CEACAM19: variants seen among roughly 807,000 people sequenced by gnomAD.
CEACAM19 encodes the protein CEA cell adhesion molecule 19.
In CEACAM19, 37 loss-of-function variants were observed where a neutral mutation model predicts 37.6. The ratio of observed to expected loss-of-function variants is 0.98; its 90% CI spans 0.76 to 1.29. The LOEUF is 1.29. Ranked by LOEUF, CEACAM19 falls within the 50% of genes most tolerant of loss-of-function variation. The pLI, the probability that CEACAM19 is intolerant of heterozygous loss-of-function variation, is 0.00. For synonymous variants in CEACAM19, 140 were observed against 149.8 expected (o/e 0.93, Z 0.48); for missense variants, 340 against 375.6 (o/e 0.91, Z 0.78).
upstream of CEACAM19, among the ~76,000 whole-genome samples, chr19:44,668,500 A>AT (rs1366724724): frequency 4.6e-4 from 26 of 57,014 alleles, no homozygotes; most frequent in African/African-American, 1.7e-3. Context: ...TATATTATAT[A>AT]TATTATATAT....
upstream of CEACAM19, among the ~76,000 whole-genome samples, chr19:44,668,405 T>A (rs371987783): frequency 2.5e-4 from 9 of 35,618 alleles, no homozygotes; most frequent in Non-Finnish European, 2.9e-4. Flanking sequence ...TATAATATGT[T>A]TATATATTAT....
Position 44,682,584 on chromosome 19 carries a change from A to G in CEACAM19, c.810A>G (p.Pro270=). The G allele has an allele frequency of 1.2e-6, 2 of 1,603,964 alleles. No individual in the cohort carries two copies. The highest frequency in any genetic ancestry group is 1.7e-6 in the Non-Finnish European group (2 of 1,175,486). The change falls in exon 7 of 8, where the codon CCA becomes CCG. Residue 270 remains proline (P), a synonymous_variant. Coordinates refer to ENST00000358777, the MANE Select transcript of CEACAM19 (RefSeq NM_001127893.3). The stretch of plus-strand genomic sequence containing the variant: ...CCTTGCAGCCCCTGCCCACACCCCC[A>G]CACCTGCAGGCGGAGCCAGAGAACC... The part of the protein sequence containing the change: ...INPARPLPTP[P]HLQAEPENHQ...
chr19:44,682,706 T>A, intron 7 of CEACAM19, 86 bp downstream of exon 7: 1 of 1,276,914 alleles, frequency 7.8e-7, no homozygotes, highest in Non-Finnish European at 1.1e-6. Flanking sequence ...TCAAGACAAC[T>A]GAAACTGGGG....
chr19:44,681,668 G>A (rs146719116), intron 6 of CEACAM19, among the ~76,000 whole-genome samples: 5 of 152,270 alleles, frequency 3.3e-5, no homozygotes, highest in East Asian at 3.9e-4. Context: ...GGTGGCTCAC[G>A]CCTATAATTC....
At chr19:44,666,344 GAGAC>G (rs1427004011) in intron 1 of CEACAM19, among the ~76,000 whole-genome samples, 2 of 152,124 alleles carry the variant, frequency 1.3e-5, no homozygotes, top group African/African-American at 4.8e-5. Context: ...TTCTCTCCCG[GAGAC>G]AGACCAAGGA....
In CEACAM19 at chr19:44,684,177, C is replaced by G. The variant is rs1974116325; in HGVS notation, c.*687C>G. On this transcript the variant is annotated 3_prime_UTR_variant, in exon 8 of 8. Coordinates refer to ENST00000358777, the MANE Select transcript of CEACAM19 (RefSeq NM_001127893.3). ...CCCCAGCACCCGTCCCAAATGTGGCCTCAGCTTGTCCTCCCCTTCCCCAAA... is the reference window on the plus strand; with the variant it reads ...CCCCAGCACCCGTCCCAAATGTGGCGTCAGCTTGTCCTCCCCTTCCCCAAA... The G allele has an allele frequency of 6.6e-6, 1 of 152,382 alleles. No homozygotes were observed. The highest frequency in any genetic ancestry group is 1.5e-5 in the Non-Finnish European group (1 of 68,180). The allele number at this position is 152,382 out of a possible 1,614,324, so 9.4% of individuals were successfully genotyped here.
Position 44,671,650 on chromosome 19 carries a change from GA to G in CEACAM19, c.-277del. On this transcript the variant is annotated 5_prime_UTR_variant, in exon 1 of 8. It introduces an in-frame stop codon into an upstream open reading frame of the 5' UTR. Transcript: ENST00000358777. Reference sequence around the variant, plus strand: ...CTGCTGTTGTAGTCACGCTGAGTGAGAAAAAGAGGTTGAAGAGGGTCAGGGG... The same window carrying G: ...CTGCTGTTGTAGTCACGCTGAGTGAGAAAAGAGGTTGAAGAGGGTCAGGGG... 1 of 470,644 alleles carries G rather than the reference GA, an allele frequency of 2.1e-6. No individual in the cohort carries two copies. Among genetic ancestry groups the G allele is most frequent in the Non-Finnish European group, 3.8e-6 (1 of 264,806 alleles). The allele number at this position is 470,644 out of a possible 1,614,324, so 29.2% of individuals were successfully genotyped here.
upstream of CEACAM19, among the ~76,000 whole-genome samples, chr19:44,667,627 TA>T (rs1281214718): frequency 8.5e-5 from 7 of 82,212 alleles, no homozygotes; most frequent in Middle Eastern, 5.2e-3. Context: ...TATTTATAAA[TA>T]TATAAATATA....
At position 44,677,266 on chromosome 19, in the gene CEACAM19, T is replaced by G. The variant is rs190849199; in HGVS notation, c.575+845T>G. Among the ~76,000 whole-genome samples, 428 of 152,316 alleles carry G rather than the reference T, an allele frequency of 2.8e-3. 7 individuals are homozygous for G. The highest frequency in any genetic ancestry group is 2.4e-4 in the Non-Finnish European group (16 of 68,024). ...AGGGAAAGCTCTGATTGGCCAAAGT[T>G]GGGCTATTTGTGCAGCCCCAGAGAC... On this transcript the variant is annotated intron_variant, in intron 3 of 7. Coordinates refer to ENST00000358777, the MANE Select transcript of CEACAM19 (RefSeq NM_001127893.3).
At position 44,679,060 on chromosome 19, in the gene CEACAM19, GT is replaced by G. The variant is rs1974006776; in HGVS notation, c.659+125del. The G allele has an allele frequency of 1.4e-5, 20 of 1,380,342 alleles. No individual in the cohort carries two copies. The South Asian group carries it at 2.7e-4, about 19-fold the overall frequency. 85.5% of individuals were successfully genotyped at this position (1,380,342 alleles called of 1,614,324 possible). On this transcript the variant is annotated intron_variant, in intron 4 of 7. Coordinates refer to ENST00000358777, the MANE Select transcript of CEACAM19 (RefSeq NM_001127893.3). Reference sequence around the variant, plus strand: ...AAGGTTGGGGTGCAGTGGTGCGATCGTAGCTCACCGTAGCCTCGACCTCCCT... The same window carrying G: ...AAGGTTGGGGTGCAGTGGTGCGATCGAGCTCACCGTAGCCTCGACCTCCCT...
intron 6 of CEACAM19, 112 bp from the exon 7 acceptor site, chr19:44,682,455 G>A (rs1294414664): frequency 3.6e-6 from 4 of 1,111,204 alleles, no homozygotes; most frequent in Non-Finnish European, 5.3e-6. Flanking sequence ...GGGCCTCACA[G>A]TCTGGGAGGG....
At chr19:44,672,328 T>C (rs1008900920) in intron 1 of CEACAM19, 12 of 467,588 alleles carry the variant, frequency 2.6e-5, no homozygotes, top group African/African-American at 3.9e-5. Flanking sequence ...AATGAATGAA[T>C]TCAGAGAGTC....
Position 44,682,569 on chromosome 19 carries a change from C to T in CEACAM19, c.795C>T (p.Pro265=). ...TCACCCGTGTCCTTCCCTTGCAGCC[C>T]CTGCCCACACCCCCACACCTGCAGG... ...SDTRSINPAR[P]LPTPPHLQAE... Residue 265 remains proline, a splice_region_variant and synonymous_variant, in exon 7 of 8, where the codon CCC becomes CCT. Transcript: ENST00000358777. 1.9e-6 allele frequency: 3 copies of T among 1,601,200 alleles called. No homozygotes were observed. The highest frequency in any genetic ancestry group is 2.6e-6 in the Non-Finnish European group (3 of 1,174,172).
At chr19:44,676,226 A>G in intron 2 of CEACAM19, 45 bp from the exon 3 acceptor site, 1 of 1,599,956 alleles carries the variant, frequency 6.3e-7, no homozygotes, top group Non-Finnish European at 8.5e-7. Flanking sequence ...CCCTCAGGAG[A>G]CATCGCACAG....
chr19:44,676,281 G>A lies in CEACAM19; in HGVS notation c.435G>A (p.Lys145=), dbSNP rs1472778399. ...TCTCTCACCCCTCAGAAAAGAATAA[G>A]GAGCTGCCCAGTACACACCTGCCCA... is the stretch of plus-strand genomic sequence containing the variant. ...KTEVQVAEKN[K]ELPSTHLPTN... Residue 145 remains lysine, a synonymous_variant, in exon 3 of 8, where the codon AAG becomes AAA. Transcript: ENST00000358777. 1.2e-6 allele frequency: 2 copies of A among 1,613,880 alleles called. No homozygotes were observed. The highest frequency in any genetic ancestry group is 1.7e-6 in the Non-Finnish European group (2 of 1,179,974).
intron 4 of CEACAM19, 26 bp downstream of exon 4, chr19:44,678,962 G>A (rs867137224): frequency 1.9e-6 from 3 of 1,612,182 alleles, no homozygotes; most frequent in East Asian, 4.5e-5. Flanking sequence ...TACTTATTTA[G>A]TGAACTAACA....
At position 44,683,452 on chromosome 19, in the gene CEACAM19, G is replaced by T; in HGVS notation, c.862G>T (p.Asp288Tyr). 3 of 1,557,254 alleles carry T rather than the reference G, an allele frequency of 1.9e-6. No homozygotes were observed. The highest frequency in any genetic ancestry group is 2.6e-6 in the Non-Finnish European group (3 of 1,148,254). The change falls in exon 8 of 8, where the codon GAC becomes TAC. Residue 288 changes from aspartate to tyrosine, a missense_variant. By Grantham distance (160) the Asp-to-Tyr change is radical. Coordinates refer to ENST00000358777, the MANE Select transcript of CEACAM19 (RefSeq NM_001127893.3). ...NHQYQDLLNP[D>Y]PAPYCQLVPT... ...CCCCAAGCAGGACCTGCTAAACCCC[G>T]ACCCTGCCCCCTACTGCCAGCTGGT...
At chr19:44,667,973 CTAT>C (rs1973765111), upstream of CEACAM19, among the ~76,000 whole-genome samples, 1 of 63,496 alleles carries the variant, frequency 1.6e-5, no homozygotes, top group Non-Finnish European at 2.6e-5. Flanking sequence ...TAAATATATA[CTAT>C]ATTATAAATA....
At chr19:44,668,552 A>ATTAGTT (rs1194528325), upstream of CEACAM19, among the ~76,000 whole-genome samples, 21 of 70,390 alleles carry the variant, frequency 3.0e-4, no homozygotes, top group African/African-American at 1.9e-3. Flanking sequence ...ATAATTATAT[A>ATTAGTT]ATTATATACA....
Sources: gnomAD v4.1 joint callset for allele counts (sites outside exome capture counted in the v4.1 genomes callset) on GRCh38, gnomAD v4.1.1 for gene constraint, MANE v1.5 for transcripts, NCBI Gene and HGNC (gene_info 2026-07-23, HGNC 2026-07-21) for gene names.